The following EXTL2 variants were observed in gnomAD, a reference collection of about 807,000 sequenced individuals.
EXTL2 encodes the protein exostosin-like 2.
Under a neutral mutation model 30.7 loss-of-function variants are expected in EXTL2, and 23 were observed. That is an observed-to-expected ratio of 0.75 (90% CI 0.54 to 1.06). The LOEUF is 1.06. Ranked by LOEUF, EXTL2 falls within the 50% of genes least tolerant of loss-of-function variation. EXTL2 has a pLI of 0.00. For missense variants in EXTL2, 352 were observed against 396.3 expected, an observed-to-expected ratio of 0.89 and a Z score of 0.95; for synonymous variants, 123 against 133.8, an observed-to-expected ratio of 0.92 and a Z score of 0.56.
At chr1:100,890,581 C>T (rs1260736541) in intron 1 of EXTL2, among the ~76,000 whole-genome samples, 1 of 152,136 alleles carries the variant, frequency 6.6e-6, no homozygotes, top group Non-Finnish European at 1.5e-5. Flanking sequence ...GTTCCAAATT[C>T]AGATCATCTC....
At chr1:100,886,258 A>T (rs1649960821) in intron 2 of EXTL2, among the ~76,000 whole-genome samples, 1 of 152,246 alleles carries the variant, frequency 6.6e-6, no homozygotes, top group Non-Finnish European at 1.5e-5. Context: ...AATTGCTAAA[A>T]TATTGAGAAG....
Position 100,876,884 on chromosome 1 carries a change from A to C in EXTL2, c.434-20T>G, listed in dbSNP as rs1273058983. Reference sequence around the variant, plus strand: ...ACACTGCTAAAATGAAAGGACAAAAATTTAAGTTGAATAGTTCGGAAATGA... The same window carrying C: ...ACACTGCTAAAATGAAAGGACAAAACTTTAAGTTGAATAGTTCGGAAATGA... On this transcript the variant is annotated intron_variant, in intron 3 of 4. Transcript: ENST00000370114. The C allele has an allele frequency of 6.4e-7, 1 of 1,572,322 alleles. No individual in the cohort carries two copies. Among genetic ancestry groups the C allele is most frequent in the Admixed American group, 1.7e-5 (1 of 59,784 alleles).
At chr1:100,890,954 T>C (rs1269853675) in intron 1 of EXTL2, among the ~76,000 whole-genome samples, 1 of 152,232 alleles carries the variant, frequency 6.6e-6, no homozygotes, top group Non-Finnish European at 1.5e-5. Context: ...AACTATGACC[T>C]GCTGAGGTGC....
chr1:100,876,042 C>T (rs192819756), intron 4 of EXTL2, among the ~76,000 whole-genome samples: 7 of 152,150 alleles, frequency 4.6e-5, no homozygotes, highest in African/African-American at 1.4e-4. Context: ...CCATTAATAT[C>T]GAATGCTGTT....
intron 2 of EXTL2, among the ~76,000 whole-genome samples, chr1:100,879,285 A>G (rs1368225378): frequency 6.6e-6 from 1 of 152,128 alleles, no homozygotes; most frequent in African/African-American, 2.4e-5. Flanking sequence ...GGCCACCAGA[A>G]GCATTTTAGG....
At chr1:100,884,419 A>G (rs1040040326) in intron 2 of EXTL2, among the ~76,000 whole-genome samples, 1 of 152,240 alleles carries the variant, frequency 6.6e-6, no homozygotes, top group African/African-American at 2.4e-5. Flanking sequence ...AGGCCAATGC[A>G]GAACCTGAGC....
At position 100,883,780 on chromosome 1, in the gene EXTL2, G is replaced by T. The variant is rs567961797; in HGVS notation, c.5+4973C>A. Among the ~76,000 whole-genome samples, 460 of 151,966 alleles carry T rather than the reference G, an allele frequency of 3.0e-3. 3 individuals carry two copies. The highest frequency in any genetic ancestry group is 0.011 in the African/African-American group (436 of 41,428). On this transcript the variant is annotated intron_variant, in intron 2 of 4. Coordinates refer to ENST00000370114, the MANE Select transcript of EXTL2 (RefSeq NM_001033025.3). ...TGCTTACCTAAGAGTAGAATTGCTG[G>T]GTCATTATGTCAGTAATATTTAAAT... is the stretch of plus-strand genomic sequence containing the variant.
At chr1:100,889,719 A>G (rs1419965773) in intron 1 of EXTL2, among the ~76,000 whole-genome samples, 2 of 152,234 alleles carry the variant, frequency 1.3e-5, no homozygotes, top group Non-Finnish European at 2.9e-5. Flanking sequence ...TGGGGCGGTC[A>G]TTAAATCTTA....
intron 4 of EXTL2, among the ~76,000 whole-genome samples, chr1:100,875,277 C>T (rs1184768096): frequency 6.7e-6 from 1 of 150,164 alleles, no homozygotes; most frequent in Non-Finnish European, 1.5e-5. Flanking sequence ...GAGTTAAATG[C>T]TATTTCAAAG....
At position 100,877,094 on chromosome 1, in the gene EXTL2, T is replaced by A. The variant is rs10493937; in HGVS notation, c.434-230A>T. 0.41 allele frequency among the ~76,000 whole-genome samples: 61,957 copies of A among 151,806 alleles called. 13,780 individuals carry two copies. The highest frequency in any genetic ancestry group is 0.51 in the Non-Finnish European group (34,617 of 67,910). On this transcript the variant is annotated intron_variant, in intron 3 of 4. Coordinates refer to ENST00000370114, the MANE Select transcript of EXTL2 (RefSeq NM_001033025.3). This position sits in a 1 kb window ranked among gnomAD's most constrained non-coding sequence, Gnocchi z 4.1. ...ATAATCAAGCAGTTATTATCCATCA[T>A]CCTAGAAACTATTGGGCCTATAAAT...
chr1:100,876,606 T>C (rs1020331082), intron 4 of EXTL2, among the ~76,000 whole-genome samples, 188 bp downstream of exon 4: 2 of 152,074 alleles, frequency 1.3e-5, no homozygotes, highest in African/African-American at 4.8e-5. Context: ...AGATAAAAGA[T>C]ACTATAACTT....
Position 100,894,794 on chromosome 1 carries a change from A to G in EXTL2, c.-233T>C, listed in dbSNP as rs1033395240. 6 of 152,076 alleles carry G rather than the reference A, an allele frequency of 3.9e-5. No homozygotes were observed. Among genetic ancestry groups the G allele is most frequent in the African/African-American group, 1.4e-4 (6 of 41,394 alleles). The allele number at this position is 152,076 out of a possible 1,614,324, so 9.4% of individuals were successfully genotyped here. On this transcript the variant is annotated 5_prime_UTR_variant, in exon 1 of 5. Transcript: ENST00000370114. ...ATTAGCTGGATTAACAACCTGGAAA[A>G]AGTGCCGCCCGCAAAGTGAGCGCCT... is the stretch of plus-strand genomic sequence containing the variant.
intron 1 of EXTL2, 143 bp from the exon 2 acceptor site, chr1:100,888,971 T>G (rs1650194571): frequency 7.2e-6 from 3 of 418,032 alleles, no homozygotes; most frequent in Non-Finnish European, 1.3e-5. Flanking sequence ...TATTCTGTCT[T>G]CTAAAAATTA....
chr1:100,884,835 T>A (rs1465561432), intron 2 of EXTL2, among the ~76,000 whole-genome samples: 2 of 152,224 alleles, frequency 1.3e-5, no homozygotes, highest in Non-Finnish European at 2.9e-5. Context: ...TTTGCTGTTT[T>A]TTTCAGTCTT....
intron 2 of EXTL2, chr1:100,880,860 T>C (rs1649497198): frequency 1.6e-6 from 1 of 620,544 alleles, no homozygotes; most frequent in Non-Finnish European, 2.0e-6. Flanking sequence ...TAGACACTAA[T>C]AACTTGCTAT....
intron 3 of EXTL2, 88 bp from the exon 4 acceptor site, chr1:100,876,952 C>A: frequency 1.3e-6 from 1 of 774,242 alleles, no homozygotes; most frequent in Non-Finnish European, 2.2e-6. Flanking sequence ...ATAGATCATT[C>A]AAATGAAGTA....
chr1:100,892,162 GC>G (rs1650479731), intron 1 of EXTL2, among the ~76,000 whole-genome samples: 1 of 152,202 alleles, frequency 6.6e-6, no homozygotes, highest in African/African-American at 2.4e-5. Context: ...TCTGGGTGTT[GC>G]CAGCAGAGAT....
At chr1:100,894,126 T>A (rs1650650104) in intron 1 of EXTL2, among the ~76,000 whole-genome samples, 1 of 152,128 alleles carries the variant, frequency 6.6e-6, no homozygotes, top group Admixed American at 6.5e-5. Flanking sequence ...GGAAATCAGT[T>A]GCTGAAATTT....
rs768601400 is a variant in EXTL2 at position 100,877,827 on chromosome 1, C to G, written c.82G>C (p.Val28Leu). Residue 28 changes from valine to leucine, a missense_variant, in exon 3 of 5, where the codon GTA (valine) becomes CTA (leucine). Physicochemically the swap from Val to Leu is conservative, Grantham distance 32 (BLOSUM62 1). Transcript: ENST00000370114. This position sits in a 1 kb window ranked among gnomAD's most constrained non-coding sequence, Gnocchi z 4.1. ...AAAGCACCAGCTACCAGTAATAATA[C>G]GAGGATGACCACCAAAGATAATCGA... ...VLRLSLVVIL[V>L]LLLVAGALTA... The G allele has an allele frequency of 6.2e-7, 1 of 1,603,568 alleles. No individual in the cohort carries two copies. The highest frequency in any genetic ancestry group is 1.7e-5 in the Admixed American group (1 of 59,856).
Sources: gnomAD v4.1 joint callset for allele counts (sites outside exome capture counted in the v4.1 genomes callset) on GRCh38, gnomAD v4.1.1 for gene constraint, Gnocchi (gnomAD v3.1) non-coding constraint, MANE v1.5 for transcripts, NCBI Gene and HGNC (gene_info 2026-07-23, HGNC 2026-07-21) for gene names.